The following ADGB variants were observed in gnomAD, a reference collection of about 807,000 sequenced individuals.
ADGB encodes calpain-7-like protein.
Under a neutral mutation model 210.5 loss-of-function variants are expected in ADGB, and 172 were observed. That is an observed-to-expected ratio of 0.82 (90% CI 0.72 to 0.93). The LOEUF (loss-of-function observed/expected upper bound fraction) is 0.93, where lower values mean the gene tolerates loss of function less well. ADGB is among the 40% of genes least tolerant of loss of function. The probability of loss-of-function intolerance (pLI) is 0.00; values close to 1 mark genes in which losing one functional copy is unlikely to be tolerated. For synonymous variants in ADGB, 658 were observed against 662.7 expected, an observed-to-expected ratio of 0.99 and a Z score of 0.11; for missense variants, 2,025 against 1,964.8, an observed-to-expected ratio of 1.03 and a Z score of -0.58.
At chr6:146,663,070 G>C (rs1218449583) in intron 5 of ADGB, among the ~76,000 whole-genome samples, 2 of 135,544 alleles carry the variant, frequency 1.5e-5, no homozygotes, top group African/African-American at 2.7e-5. Context: ...TATTATTAAG[G>C]TCATATATTT....
chr6:146,643,006 C>G (rs1775540761), intron 2 of ADGB, among the ~76,000 whole-genome samples: 1 of 151,800 alleles, frequency 6.6e-6, no homozygotes, highest in East Asian at 1.9e-4. Flanking sequence ...AGAAACTGAT[C>G]CATGAACATC....
At chr6:146,809,458 G>A (rs908616639) in intron 35 of ADGB, among the ~76,000 whole-genome samples, 2 of 151,900 alleles carry the variant, frequency 1.3e-5, no homozygotes, top group Non-Finnish European at 2.9e-5. Context: ...CACCCCCCTC[G>A]GCCTCCTAAA....
chr6:146,814,192 T>C (rs375188671), intron 35 of ADGB, among the ~76,000 whole-genome samples: 3 of 152,270 alleles, frequency 2.0e-5, no homozygotes, highest in South Asian at 2.1e-4. Context: ...ATTAAGCTGG[T>C]TGCAAAAAAC....
intron 28 of ADGB, among the ~76,000 whole-genome samples, chr6:146,766,731 A>G (rs1014834742): frequency 6.6e-6 from 1 of 152,154 alleles, no homozygotes; most frequent in Non-Finnish European, 1.5e-5. Context: ...TAACTTTTCA[A>G]TCCTTTTTAA....
intron 2 of ADGB, among the ~76,000 whole-genome samples, chr6:146,642,584 A>G (rs1335146296): frequency 6.6e-6 from 1 of 152,014 alleles, no homozygotes; most frequent in Non-Finnish European, 1.5e-5. Flanking sequence ...AAACCATAAA[A>G]AAGAACAAGA....
Position 146,659,808 on chromosome 6 carries a change from C to A in ADGB, c.612+2828C>A, listed in dbSNP as rs950140167. Among the ~76,000 whole-genome samples, 4 of 152,108 alleles carry A rather than the reference C, an allele frequency of 2.6e-5. 1 individual carries two copies. In the South Asian group the frequency reaches 8.3e-4, roughly 32 times the overall value. On this transcript the variant is annotated intron_variant, in intron 5 of 35. Transcript: ENST00000397944. ...TCAAGTGCCTTCCAATGGCAGCATT[C>A]CTTTGGGCCCCCGAAAGAAGCAGGT...
intron 1 of ADGB, among the ~76,000 whole-genome samples, chr6:146,627,416 G>A (rs562097369): frequency 3.4e-4 from 52 of 152,140 alleles, no homozygotes; most frequent in African/African-American, 1.1e-3. Context: ...TTTTGTGCTA[G>A]GGTACGTTTA....
At chr6:146,701,286 T>C (rs73571705) in intron 13 of ADGB, among the ~76,000 whole-genome samples, 9,368 of 152,148 alleles carry the variant, frequency 0.062, 935 homozygotes, top group African/African-American at 0.21. Flanking sequence ...TTGGTTGTAT[T>C]TTCTGTCGGC....
chr6:146,803,748 C>T lies in ADGB; in HGVS notation c.4818+1737C>T. The T allele has an allele frequency of 5.2e-6, 4 of 768,072 alleles. No individual in the cohort carries two copies. The South Asian group carries it at 7.0e-5, about 13-fold the overall frequency. 47.6% of individuals were successfully genotyped at this position (768,072 alleles called of 1,614,324 possible). A position where few individuals can be genotyped will look rare whatever the true frequency, so the allele number is the denominator to read the frequency against. The stretch of plus-strand genomic sequence containing the variant: ...CCGGCGCCTCATGGTACCGCGGCGC[C>T]TCAGCCCAGCCTCCGCGCTGACAAT... On this transcript the variant is annotated intron_variant, in intron 35 of 35. Transcript: ENST00000397944.
intron 25 of ADGB, among the ~76,000 whole-genome samples, chr6:146,743,257 G>T (rs192553140): frequency 6.6e-6 from 1 of 152,100 alleles, no homozygotes; most frequent in Non-Finnish European, 1.5e-5. Context: ...TTCTAGCAAT[G>T]AATTTTGTAT....
chr6:146,783,594 C>T (rs1241550645), intron 30 of ADGB, among the ~76,000 whole-genome samples: 1 of 152,146 alleles, frequency 6.6e-6, no homozygotes, highest in Admixed American at 6.5e-5. Flanking sequence ...TTGTGAAAGT[C>T]AATTCTCACC....
chr6:146,794,143 G>C (rs1243092495), intron 33 of ADGB, among the ~76,000 whole-genome samples: 1 of 152,158 alleles, frequency 6.6e-6, no homozygotes, highest in Non-Finnish European at 1.5e-5. Flanking sequence ...CTGGGGTAAT[G>C]TTAATGTTGG....
At chr6:146,743,319 C>T (rs756013378) in intron 25 of ADGB, among the ~76,000 whole-genome samples, 1 of 151,886 alleles carries the variant, frequency 6.6e-6, no homozygotes, top group African/African-American at 2.4e-5. Context: ...TTGGAAGAGA[C>T]CTTTAAAGAA....
At chr6:146,732,447 G>C (rs1583612019) in intron 20 of ADGB, among the ~76,000 whole-genome samples, 1 of 152,104 alleles carries the variant, frequency 6.6e-6, no homozygotes, top group Non-Finnish European at 1.5e-5. Flanking sequence ...GGATGAAAGA[G>C]AGCCCAGGTG....
intron 16 of ADGB, 36 bp from the exon 17 acceptor site, chr6:146,721,367 G>T: frequency 7.9e-7 from 1 of 1,268,984 alleles, no homozygotes; most frequent in Non-Finnish European, 1.1e-6. Context: ...TTGATGAACT[G>T]ATATTAAGTA....
chr6:146,635,349 C>T (rs573239867), intron 1 of ADGB, 26 bp from the exon 2 acceptor site: 6 of 1,401,990 alleles, frequency 4.3e-6, no homozygotes, highest in Non-Finnish European at 5.6e-6. Context: ...TTAAACCTAA[C>T]CCACCCACTC....
chr6:146,747,851 T>G (rs1169614686), intron 26 of ADGB, among the ~76,000 whole-genome samples: 1 of 150,864 alleles, frequency 6.6e-6, no homozygotes, highest in East Asian at 2.0e-4. Context: ...GGCACGATCT[T>G]GGCTCATTGC....
rs1053996299 is a variant in ADGB at position 146,605,229 on chromosome 6, G to T, written c.74+6115G>T. Among the ~76,000 whole-genome samples the T allele has an allele frequency of 1.8e-4, 27 of 152,150 alleles. 1 individual carries two copies. The highest frequency in any genetic ancestry group is 1.0e-4 in the Non-Finnish European group (7 of 68,026). On this transcript the variant is annotated intron_variant, in intron 1 of 35. Coordinates refer to ENST00000397944, the MANE Select transcript of ADGB (RefSeq NM_024694.4). ...AGGTAGCAAGAAATAGTGATGGTCT[G>T]AGATAATGGGAGAATGCGTGATTCT...
intron 2 of ADGB, among the ~76,000 whole-genome samples, chr6:146,641,150 A>G (rs1481459341): frequency 6.6e-6 from 1 of 151,890 alleles, no homozygotes; most frequent in Admixed American, 6.6e-5. Context: ...CAGAAAGGCA[A>G]TCCATTCACA....
Sources: allele counts gnomAD v4.1 joint callset (sites outside exome capture counted in the v4.1 genomes callset), GRCh38; gene constraint gnomAD v4.1.1; transcripts MANE v1.5; gene names NCBI Gene and HGNC (gene_info 2026-07-23, HGNC 2026-07-21).